TAX1BP1: variants seen among roughly 807,000 people sequenced by gnomAD.
The protein encoded by TAX1BP1 is tax1-binding protein 1.
Under a neutral mutation model 97.7 loss-of-function variants are expected in TAX1BP1, and 62 were observed. The observed-to-expected ratio is 0.63, with a 90% CI of 0.52 to 0.78. The LOEUF (loss-of-function observed/expected upper bound fraction) is 0.78, where lower values mean the gene tolerates loss of function less well. Ranked by LOEUF, TAX1BP1 falls within the 30% of genes least tolerant of loss-of-function variation. The pLI, the probability that TAX1BP1 is intolerant of heterozygous loss-of-function variation, is 0.00. For missense variants in TAX1BP1, 867 were observed against 916.1 expected, an observed-to-expected ratio of 0.95 and a Z score of 0.69; for synonymous variants, 340 against 304.2, an observed-to-expected ratio of 1.12 and a Z score of -1.23.
intron 5 of TAX1BP1, chr7:27,772,556 TAA>T (rs964375173): frequency 6.7e-6 from 1 of 150,256 alleles, no homozygotes; most frequent in Non-Finnish European, 1.5e-5. Context: ...TGACAAAAAA[TAA>T]AAGTGAATTA....
intron 1 of TAX1BP1, among the ~76,000 whole-genome samples, chr7:27,744,299 G>T (rs1489668288): frequency 6.6e-6 from 1 of 151,818 alleles, no homozygotes; most frequent in Non-Finnish European, 1.5e-5. Context: ...CTAATTTTTT[G>T]TATTTTTAGT....
intron 8 of TAX1BP1, among the ~76,000 whole-genome samples, chr7:27,791,552 A>G (rs564002601): frequency 1.3e-5 from 2 of 152,298 alleles, no homozygotes; most frequent in East Asian, 1.9e-4. Context: ...ATAGATTTAT[A>G]TTATATTGGA....
At chr7:27,743,579 T>G (rs1037083364) in intron 1 of TAX1BP1, among the ~76,000 whole-genome samples, 16 of 152,228 alleles carry the variant, frequency 1.1e-4, no homozygotes, top group Admixed American at 9.2e-4. Context: ...GTTTCATTTC[T>G]TTATTTGCTT....
chr7:27,795,205 A>C (rs139265590), intron 11 of TAX1BP1, among the ~76,000 whole-genome samples: 18 of 152,332 alleles, frequency 1.2e-4, no homozygotes, highest in African/African-American at 3.6e-4. Context: ...CCTGTAGGAC[A>C]GAATTGAGCC....
intron 5 of TAX1BP1, among the ~76,000 whole-genome samples, chr7:27,771,369 T>C (rs928750104): frequency 6.6e-6 from 1 of 151,192 alleles, no homozygotes; most frequent in African/African-American, 2.4e-5. Context: ...TATCCTGAAA[T>C]GTGGGCTTTG....
intron 16 of TAX1BP1, among the ~76,000 whole-genome samples, chr7:27,828,376 G>C (rs1791266837): frequency 6.6e-6 from 1 of 152,136 alleles, no homozygotes; most frequent in South Asian, 2.1e-4. Flanking sequence ...TTGGATTTGG[G>C]AGGTTTTAAG....
chr7:27,774,034 A>G (rs554912132), intron 5 of TAX1BP1, among the ~76,000 whole-genome samples: 2 of 152,246 alleles, frequency 1.3e-5, no homozygotes, highest in Non-Finnish European at 2.9e-5. Flanking sequence ...TGCCAAAACA[A>G]TGTAATGGAG....
chr7:27,746,198 T>C (rs542263791), intron 1 of TAX1BP1, among the ~76,000 whole-genome samples: 1 of 152,294 alleles, frequency 6.6e-6, no homozygotes, highest in South Asian at 2.1e-4. Context: ...ACGTTTATTC[T>C]AAGCTAGTTT....
rs771033525 is a variant in TAX1BP1, at chr7:27,794,328, T to C, written c.1416T>C (p.Asn472=). The C allele has an allele frequency of 2.5e-6, 4 of 1,609,860 alleles. No individual in the cohort carries two copies. In the African/African-American group the frequency reaches 5.3e-5, roughly 22 times the overall value. Residue 472 remains asparagine, a synonymous_variant, in exon 11 of 17, where the codon AAT becomes AAC. Transcript: ENST00000396319. Reference sequence around the variant, plus strand: ...CTTATTAACATTTTGAATAGGCTAATAATAATAATGTCTTCACAAAGAAAA... The same window carrying C: ...CTTATTAACATTTTGAATAGGCTAACAATAATAATGTCTTCACAAAGAAAA... ...QINKLSDQSA[N]NNNVFTKKTG...
chr7:27,826,474 C>T (rs1791182827), intron 15 of TAX1BP1, among the ~76,000 whole-genome samples: 1 of 152,084 alleles, frequency 6.6e-6, no homozygotes, highest in African/African-American at 2.4e-5. Context: ...CTTAACTGAC[C>T]CATTAATAGC....
At chr7:27,815,375 A>G (rs73075333) in intron 13 of TAX1BP1, among the ~76,000 whole-genome samples, 16,432 of 152,194 alleles carry the variant, frequency 0.11, 939 homozygotes, top group South Asian at 0.12. Flanking sequence ...TTTCTTCTGC[A>G]TCAATTGAAA....
chr7:27,759,350 C>A (rs1583674746), intron 3 of TAX1BP1, among the ~76,000 whole-genome samples: 1 of 152,170 alleles, frequency 6.6e-6, no homozygotes, highest in African/African-American at 2.4e-5. Flanking sequence ...CATTGAGATA[C>A]CTGTAACAAT....
At chr7:27,748,219 G>T (rs1421101993) in intron 1 of TAX1BP1, among the ~76,000 whole-genome samples, 2 of 152,140 alleles carry the variant, frequency 1.3e-5, no homozygotes, top group African/African-American at 4.8e-5. Context: ...ATTTGCTTTT[G>T]ATTTAAATAG....
At chr7:27,778,383 A>G (rs150541272) in intron 5 of TAX1BP1, among the ~76,000 whole-genome samples, 1 of 152,208 alleles carries the variant, frequency 6.6e-6, no homozygotes, top group Admixed American at 6.5e-5. Context: ...ACTCTTGAGT[A>G]GCTGCTTGTA....
At chr7:27,768,359 A>G (rs1044985678) in intron 4 of TAX1BP1, among the ~76,000 whole-genome samples, 2 of 152,064 alleles carry the variant, frequency 1.3e-5, no homozygotes, top group African/African-American at 4.8e-5. Flanking sequence ...AACATATTCC[A>G]AAATACAAAA....
chr7:27,802,520 A>G (rs752745604), intron 13 of TAX1BP1, among the ~76,000 whole-genome samples: 5 of 152,210 alleles, frequency 3.3e-5, no homozygotes, highest in Non-Finnish European at 7.3e-5. Context: ...TGCTGAATGA[A>G]TGAATGATTT....
At chr7:27,774,321 T>A (rs1316048146) in intron 5 of TAX1BP1, among the ~76,000 whole-genome samples, 2 of 152,154 alleles carry the variant, frequency 1.3e-5, no homozygotes, top group African/African-American at 4.8e-5. Flanking sequence ...TTTATTCTCA[T>A]TGAAATAAGG....
intron 12 of TAX1BP1, among the ~76,000 whole-genome samples, chr7:27,796,940 A>G (rs1789955814): frequency 6.6e-6 from 1 of 152,028 alleles, no homozygotes. Context: ...ATAGTGGAAA[A>G]GGGAATGTTA....
chr7:27,771,130 T>C (rs13227636), intron 5 of TAX1BP1, among the ~76,000 whole-genome samples: 2 of 120,670 alleles, frequency 1.7e-5, no homozygotes, highest in Non-Finnish European at 3.5e-5. Flanking sequence ...TTTTTTTTTT[T>C]ACTCATTTGT....
Sources: gnomAD v4.1 joint callset for allele counts (sites outside exome capture counted in the v4.1 genomes callset) on GRCh38, gnomAD v4.1.1 for gene constraint, MANE v1.5 for transcripts, NCBI Gene and HGNC (gene_info 2026-07-23, HGNC 2026-07-21) for gene names.